The following CRB1 variants were observed in gnomAD, a reference collection of about 807,000 sequenced individuals.
CRB1 encodes protein crumbs homolog 1.
CRB1 carries 83 observed loss-of-function variants against 120.0 expected under a neutral mutation model. The ratio of observed to expected loss-of-function variants is 0.69; its 90% CI spans 0.58 to 0.83. The LOEUF is 0.83. Ranked by LOEUF, CRB1 falls within the 40% of genes least tolerant of loss-of-function variation. The pLI is 0.00. For missense variants in CRB1, 1,699 were observed against 1,687.6 expected (o/e 1.01, Z -0.12); for synonymous variants, 625 against 612.5 (o/e 1.02, Z -0.30).
At chr1:197,471,861 A>G (rs1286980751) in intron 11 of CRB1, among the ~76,000 whole-genome samples, 1 of 152,228 alleles carries the variant, frequency 6.6e-6, no homozygotes, top group Non-Finnish European at 1.5e-5. Flanking sequence ...GGTTTTTACC[A>G]TCCACCAAAT....
Position 197,328,394 on chromosome 1 carries a change from A to C in CRB1, c.71-28A>C, listed in dbSNP as rs1390108373. ...TAACTTTGTCCTCATTTATAAATTT[A>C]ATCTTGTTACTTTTTATTTCCTTGT... On this transcript the variant is annotated intron_variant, in intron 1 of 11. Transcript: ENST00000367400. 1.9e-6 allele frequency: 3 copies of C among 1,550,756 alleles called. No homozygotes were observed. The Admixed American group carries it at 5.0e-5, about 26-fold the overall frequency.
At chr1:197,464,795 A>G (rs1666683444) in intron 11 of CRB1, among the ~76,000 whole-genome samples, 1 of 152,212 alleles carries the variant, frequency 6.6e-6, no homozygotes, top group Non-Finnish European at 1.5e-5. Context: ...TAGAAATAAA[A>G]TATAATCAAG....
At chr1:197,456,187 A>G (rs906860603) in intron 11 of CRB1, among the ~76,000 whole-genome samples, 5 of 152,174 alleles carry the variant, frequency 3.3e-5, no homozygotes, top group African/African-American at 1.2e-4. Flanking sequence ...TTAATGACTG[A>G]TAAATGGCTG....
At chr1:197,245,733 T>G in the CRB1 span, among the ~76,000 whole-genome samples, 1 of 152,084 alleles carries the variant, frequency 6.6e-6, no homozygotes, top group African/African-American at 2.4e-5. Flanking sequence ...ACTAGCTGAT[T>G]TCCTTTGACG....
chr1:197,451,455 G>C (rs913225692), intron 11 of CRB1, among the ~76,000 whole-genome samples: 60 of 152,318 alleles, frequency 3.9e-4, no homozygotes, highest in African/African-American at 1.2e-3. Flanking sequence ...TCATTAATAC[G>C]TTGGACCATG....
chr1:197,344,021 C>A (rs1052122503), intron 2 of CRB1, among the ~76,000 whole-genome samples: 1 of 152,192 alleles, frequency 6.6e-6, no homozygotes. Flanking sequence ...AAACTTTGTT[C>A]TAAAAATGAC....
chr1:197,349,042 C>A (rs1659941241), intron 4 of CRB1, among the ~76,000 whole-genome samples: 1 of 152,108 alleles, frequency 6.6e-6, no homozygotes, highest in Non-Finnish European at 1.5e-5. Flanking sequence ...AACTTCCAGA[C>A]CTCCAAGCTC....
chr1:197,216,730 G>T, the CRB1 span, among the ~76,000 whole-genome samples: 1 of 152,160 alleles, frequency 6.6e-6, no homozygotes, highest in African/African-American at 2.4e-5. Flanking sequence ...CTGCAATGAG[G>T]TCAAAACTGA....
the CRB1 span, among the ~76,000 whole-genome samples, chr1:197,209,276 T>C: frequency 6.6e-6 from 1 of 152,212 alleles, no homozygotes; most frequent in African/African-American, 2.4e-5. Flanking sequence ...TTGCATTCAA[T>C]CAAAATTGTT....
chr1:197,457,892 A>G (rs542158284), intron 11 of CRB1, among the ~76,000 whole-genome samples: 2 of 152,274 alleles, frequency 1.3e-5, no homozygotes, highest in African/African-American at 4.8e-5. Context: ...CCTGTCAGCA[A>G]AGAGAGCTTA....
intron 2 of CRB1, among the ~76,000 whole-genome samples, chr1:197,335,087 G>A (rs567622125): frequency 6.6e-6 from 1 of 152,184 alleles, no homozygotes; most frequent in Non-Finnish European, 1.5e-5. Context: ...GAAATGTCTT[G>A]TGGAATAGCA....
intron 4 of CRB1, among the ~76,000 whole-genome samples, chr1:197,353,366 G>A (rs888653442): frequency 6.6e-6 from 1 of 152,174 alleles, no homozygotes; most frequent in Non-Finnish European, 1.5e-5. Context: ...GAAAGGGGAA[G>A]TTGTTGAATG....
intron 6 of CRB1, among the ~76,000 whole-genome samples, chr1:197,422,444 C>G (rs1664384610): frequency 6.6e-6 from 1 of 151,070 alleles, no homozygotes; most frequent in African/African-American, 2.4e-5. Flanking sequence ...GCTCCACAAT[C>G]ATAATTAAGC....
At chr1:197,332,053 T>C (rs1289780212) in intron 2 of CRB1, among the ~76,000 whole-genome samples, 2 of 151,962 alleles carry the variant, frequency 1.3e-5, no homozygotes, top group African/African-American at 4.8e-5. Flanking sequence ...GGCAGGAGAA[T>C]TGCTTGAATT....
At chr1:197,317,755 C>T (rs1657940168) in intron 1 of CRB1, among the ~76,000 whole-genome samples, 1 of 152,154 alleles carries the variant, frequency 6.6e-6, no homozygotes, top group African/African-American at 2.4e-5. Flanking sequence ...AAAGGACAGC[C>T]TTTTCAATAA....
At chr1:197,463,343 T>C (rs1666613469) in intron 11 of CRB1, among the ~76,000 whole-genome samples, 1 of 152,018 alleles carries the variant, frequency 6.6e-6, no homozygotes, top group Admixed American at 6.6e-5. Flanking sequence ...TTGTAGTTAT[T>C]CTCACATGCA....
At chr1:197,370,874 G>A (rs370601280) in intron 5 of CRB1, among the ~76,000 whole-genome samples, 8 of 152,020 alleles carry the variant, frequency 5.3e-5, no homozygotes, top group South Asian at 2.1e-4. Context: ...GTAGACAACC[G>A]ATACAAACCA....
the CRB1 span, among the ~76,000 whole-genome samples, chr1:197,220,912 C>T: frequency 6.6e-6 from 1 of 152,152 alleles, no homozygotes; most frequent in Non-Finnish European, 1.5e-5. Flanking sequence ...CCTGTACAGC[C>T]TGTGGAACTG....
chr1:197,471,962 G>T (rs1245234687), intron 11 of CRB1, among the ~76,000 whole-genome samples: 1 of 152,172 alleles, frequency 6.6e-6, no homozygotes, highest in East Asian at 1.9e-4. Flanking sequence ...GAGCATTCGA[G>T]AGATGCCTTT....
Sources: allele counts gnomAD v4.1 joint callset (sites outside exome capture counted in the v4.1 genomes callset), GRCh38; gene constraint gnomAD v4.1.1; transcripts MANE v1.5; gene names NCBI Gene and HGNC (gene_info 2026-07-23, HGNC 2026-07-21).